The following HPCAL1 variants were observed in gnomAD, a reference collection of about 807,000 sequenced individuals.
The protein encoded by HPCAL1 is hippocalcin-like protein 1.
In HPCAL1, 8 loss-of-function variants were observed where a neutral mutation model predicts 17.1. That is an observed-to-expected ratio of 0.47 (90% CI 0.27 to 0.84). HPCAL1 has a LOEUF of 0.84. Ranked by LOEUF, HPCAL1 falls within the 40% of genes least tolerant of loss-of-function variation. The pLI is 0.13. For missense variants in HPCAL1, 165 were observed against 271.1 expected, an observed-to-expected ratio of 0.61 and a Z score of 2.75; for synonymous variants, 112 against 111.4, an observed-to-expected ratio of 1.01 and a Z score of -0.03.
rs1170410722 is a variant in HPCAL1 at position 10,377,639 on chromosome 2, C to T, written c.-110-19196C>T. On this transcript the variant is annotated intron_variant, in intron 1 of 4. Transcript: ENST00000307845. This position sits in a 1 kb window ranked among gnomAD's most constrained non-coding sequence, Gnocchi z 5.9. ...CCTGGCTCCCGTGTCCTGCCCACCT[C>T]CCCACACTGGCACCTCCTGAGCAGC... Among the ~76,000 whole-genome samples the T allele has an allele frequency of 6.6e-6, 1 of 152,100 alleles. No individual in the cohort carries two copies. The highest frequency in any genetic ancestry group is 1.5e-5 in the Non-Finnish European group (1 of 67,994).
chr2:10,391,192 C>T lies in HPCAL1; in HGVS notation c.-110-5643C>T, dbSNP rs1425004796. On this transcript the variant is annotated intron_variant, in intron 1 of 4. Coordinates refer to ENST00000307845, the MANE Select transcript of HPCAL1 (RefSeq NM_002149.4). The stretch of plus-strand genomic sequence containing the variant: ...GCAGTTTTATAGCTCAGCTCCAGCA[C>T]CTTCCTGGGGGCCCAGTCCTGGATT... 3.3e-5 allele frequency among the ~76,000 whole-genome samples: 5 copies of T among 152,116 alleles called. No homozygotes were observed. In the South Asian group the frequency reaches 6.2e-4, roughly 19 times the overall value.
At chr2:10,423,116 T>G in intron 4 of HPCAL1, 28 bp downstream of exon 4, 6 of 1,495,056 alleles carry the variant, frequency 4.0e-6, no homozygotes, top group Non-Finnish European at 5.6e-6. Flanking sequence ...CGGGGCTGCA[T>G]GTGTACGCCA....
At chr2:10,321,743 T>C (rs1663682549) in intron 1 of HPCAL1, among the ~76,000 whole-genome samples, 1 of 152,258 alleles carries the variant, frequency 6.6e-6, no homozygotes, top group Non-Finnish European at 1.5e-5. Context: ...GCATCTGGCT[T>C]CCTTTACCAA....
rs900130143 is a variant in HPCAL1, at chr2:10,394,635, T to TG, written c.-110-2194dup. On this transcript the variant is annotated intron_variant, in intron 1 of 4. Transcript: ENST00000307845. The surrounding 1 kb of genome is among the most constrained non-coding windows in gnomAD (Gnocchi z 5.0). Reference sequence around the variant, plus strand: ...GGAACCCTAACGTGAGCTGCGGACCTGGGGGGTGATGATGGTCAGTGCAGG... The same window carrying TG: ...GGAACCCTAACGTGAGCTGCGGACCTGGGGGGGTGATGATGGTCAGTGCAGG... 6.6e-6 allele frequency among the ~76,000 whole-genome samples: 1 copy of TG among 152,008 alleles called. No individual in the cohort carries two copies. The highest frequency in any genetic ancestry group is 2.4e-5 in the African/African-American group (1 of 41,388).
Position 10,331,272 on chromosome 2 carries a change from T to G in HPCAL1, c.-111+28095T>G, listed in dbSNP as rs1664357338. Among the ~76,000 whole-genome samples, 1 of 152,058 alleles carries G rather than the reference T, an allele frequency of 6.6e-6. No homozygotes were observed. The highest frequency in any genetic ancestry group is 1.5e-5 in the Non-Finnish European group (1 of 67,992). On this transcript the variant is annotated intron_variant, in intron 1 of 4. Coordinates refer to ENST00000307845, the MANE Select transcript of HPCAL1 (RefSeq NM_002149.4). The surrounding 1 kb of genome is among the most constrained non-coding windows in gnomAD (Gnocchi z 5.0). Reference sequence around the variant, plus strand: ...GCCTGTTACTCAGCACGTCCGCCTCTCCTGCCTCCTGAGCCCACAGGCGCC... The same window carrying G: ...GCCTGTTACTCAGCACGTCCGCCTCGCCTGCCTCCTGAGCCCACAGGCGCC...
intron 4 of HPCAL1, 47 bp downstream of exon 4, chr2:10,423,135 G>A (rs1671173534): frequency 1.4e-6 from 2 of 1,409,996 alleles, no homozygotes; most frequent in Non-Finnish European, 2.0e-6. Context: ...CACGGTAGGG[G>A]CAAAACCATG....
intron 3 of HPCAL1, among the ~76,000 whole-genome samples, chr2:10,421,896 T>A (rs1169358411): frequency 6.6e-6 from 1 of 152,188 alleles, no homozygotes; most frequent in African/African-American, 2.4e-5. Context: ...TAAATTAACA[T>A]GGGCTCGGGG....
Position 10,427,454 on chromosome 2 carries a change from GCT to G in HPCAL1, c.*638_*639del, listed in dbSNP as rs1408962522. 4 of 152,406 alleles carry G rather than the reference GCT, an allele frequency of 2.6e-5. No homozygotes were observed. In the East Asian group the frequency reaches 7.7e-4, roughly 29 times the overall value. The allele number at this position is 152,406 out of a possible 1,614,324, so 9.4% of individuals were successfully genotyped here. On this transcript the variant is annotated 3_prime_UTR_variant, in exon 5 of 5. Transcript: ENST00000307845. ...AGCCTGGCTGTTGTGTGGTATTTAT[GCT>G]CTCTTTGTCTGCCTGTTTCTAAGGA...
At chr2:10,398,098 C>T (rs1355489096) in intron 2 of HPCAL1, among the ~76,000 whole-genome samples, 2 of 152,164 alleles carry the variant, frequency 1.3e-5, no homozygotes, top group African/African-American at 4.8e-5. Flanking sequence ...ACCACCCTGC[C>T]CCACCTGCTC....
At position 10,330,521 on chromosome 2, in the gene HPCAL1, G is replaced by C. The variant is rs1664296596; in HGVS notation, c.-111+27344G>C. ...TGGAGGCTGATGTCTGAGACAGGGT[G>C]GCGGCAGGGTTGGTGTCACCCGAGG... On this transcript the variant is annotated intron_variant, in intron 1 of 4. Coordinates refer to ENST00000307845, the MANE Select transcript of HPCAL1 (RefSeq NM_002149.4). The surrounding 1 kb of genome is among the most constrained non-coding windows in gnomAD (Gnocchi z 4.2). Among the ~76,000 whole-genome samples, 1 of 152,038 alleles carries C rather than the reference G, an allele frequency of 6.6e-6. No individual in the cohort carries two copies. The highest frequency in any genetic ancestry group is 6.6e-5 in the Admixed American group (1 of 15,266).
intron 2 of HPCAL1, among the ~76,000 whole-genome samples, chr2:10,401,554 G>T (rs1323997184): frequency 6.6e-6 from 1 of 152,052 alleles, no homozygotes; most frequent in South Asian, 2.1e-4. Flanking sequence ...CTATTCCAAG[G>T]CCGGATCTGC....
chr2:10,410,215 T>C (rs1670262237), intron 2 of HPCAL1, among the ~76,000 whole-genome samples: 1 of 152,040 alleles, frequency 6.6e-6, no homozygotes, highest in Non-Finnish European at 1.5e-5. Context: ...TTTGGAGCAA[T>C]GGGATGAGAT....
At position 10,367,334 on chromosome 2, in the gene HPCAL1, G is replaced by A. The variant is rs911043744; in HGVS notation, c.-110-29501G>A. Among the ~76,000 whole-genome samples, 1 of 151,804 alleles carries A rather than the reference G, an allele frequency of 6.6e-6. No homozygotes were observed. Among genetic ancestry groups the A allele is most frequent in the Admixed American group, 6.6e-5 (1 of 15,222 alleles). ...GACAGAGTCTTGCTCTGTCACCCAG[G>A]CTAGAGTGCGAGCTCGATCATAGCT... is the stretch of plus-strand genomic sequence containing the variant. On this transcript the variant is annotated intron_variant, in intron 1 of 4. Coordinates refer to ENST00000307845, the MANE Select transcript of HPCAL1 (RefSeq NM_002149.4). The surrounding 1 kb of genome is among the most constrained non-coding windows in gnomAD (Gnocchi z 4.4).
chr2:10,339,649 A>G (rs1217634676), intron 1 of HPCAL1, among the ~76,000 whole-genome samples: 1 of 152,220 alleles, frequency 6.6e-6, no homozygotes, highest in Non-Finnish European at 1.5e-5. Flanking sequence ...GCGCCCAGCC[A>G]TATTTGAACT....
chr2:10,357,148 G>A (rs1024630411), intron 1 of HPCAL1, among the ~76,000 whole-genome samples: 5 of 152,110 alleles, frequency 3.3e-5, no homozygotes, highest in Admixed American at 2.0e-4. Context: ...CAGGCTTGAC[G>A]TAGGAGCCTT....
intron 1 of HPCAL1, among the ~76,000 whole-genome samples, chr2:10,319,433 G>C (rs1663528390): frequency 6.6e-6 from 1 of 152,116 alleles, no homozygotes; most frequent in East Asian, 1.9e-4. Flanking sequence ...TCTGGGAGCT[G>C]GACTCTCAGA....
chr2:10,421,310 C>G (rs1271589340), intron 3 of HPCAL1, among the ~76,000 whole-genome samples: 1 of 152,156 alleles, frequency 6.6e-6, no homozygotes, highest in Non-Finnish European at 1.5e-5. Flanking sequence ...AGAAGGAAAC[C>G]AAGTTTTGTT....
chr2:10,368,098 G>A (rs1471689143), intron 1 of HPCAL1, among the ~76,000 whole-genome samples: 1 of 151,892 alleles, frequency 6.6e-6, no homozygotes, highest in East Asian at 1.9e-4. Flanking sequence ...GTGCCTGTGT[G>A]TGCATATGCG....
At chr2:10,360,966 C>T (rs561932190) in intron 1 of HPCAL1, among the ~76,000 whole-genome samples, 7 of 151,122 alleles carry the variant, frequency 4.6e-5, no homozygotes, top group South Asian at 4.2e-4. Context: ...ATTCTCTCCA[C>T]GGTCTCCTCC....
Sources: gnomAD v4.1 joint callset for allele counts (sites outside exome capture counted in the v4.1 genomes callset) on GRCh38, gnomAD v4.1.1 for gene constraint, Gnocchi (gnomAD v3.1) non-coding constraint, MANE v1.5 for transcripts, NCBI Gene and HGNC (gene_info 2026-07-23, HGNC 2026-07-21) for gene names.